ZBTB46: variants seen among roughly 807,000 people sequenced by gnomAD.
ZBTB46 encodes the protein zinc finger and BTB domain containing 46, also known as zinc finger and BTB domain-containing protein 46.
A neutral mutation model predicts 44.1 loss-of-function variants in ZBTB46; 8 were observed. The ratio of observed to expected loss-of-function variants is 0.18; its 90% CI spans 0.11 to 0.33. The LOEUF is 0.33. ZBTB46 is among the 10% of genes least tolerant of loss of function. The pLI, the probability that ZBTB46 is intolerant of heterozygous loss-of-function variation, is 1.00. For synonymous variants in ZBTB46, 409 were observed against 382.3 expected, an observed-to-expected ratio of 1.07 and a Z score of -0.81; for missense variants, 651 against 847.7, an observed-to-expected ratio of 0.77 and a Z score of 2.88.
rs909411672 is a variant in ZBTB46, at chr20:63,746,762, C to T, written c.*168G>A. On this transcript the variant is annotated 3_prime_UTR_variant, in exon 5 of 5. Transcript: ENST00000245663. ...CAGAGCACCCCTCTTGCTGGGGTCGCACCTGCTTAGCCCGCAGGGCTGGTT... is the reference window on the plus strand; with the variant it reads ...CAGAGCACCCCTCTTGCTGGGGTCGTACCTGCTTAGCCCGCAGGGCTGGTT... 2 of 1,128,652 alleles carry T rather than the reference C, an allele frequency of 1.8e-6. No homozygotes were observed. The highest frequency in any genetic ancestry group is 2.4e-6 in the Non-Finnish European group (2 of 839,296). 69.9% of individuals were successfully genotyped at this position (1,128,652 alleles called of 1,614,324 possible).
intron 2 of ZBTB46, among the ~76,000 whole-genome samples, chr20:63,786,142 C>G (rs185389932): frequency 3.8e-4 from 58 of 152,300 alleles, no homozygotes; most frequent in Middle Eastern, 6.8e-3. Context: ...CTGTAAACAT[C>G]AGAATAAACC....
At position 63,767,018 on chromosome 20, in the gene ZBTB46, C is replaced by T. The variant is rs1424440968; in HGVS notation, c.1222+8660G>A. 6.6e-6 allele frequency among the ~76,000 whole-genome samples: 1 copy of T among 152,234 alleles called. No individual in the cohort carries two copies. The highest frequency in any genetic ancestry group is 1.9e-4 in the East Asian group (1 of 5,200). On this transcript the variant is annotated intron_variant, in intron 3 of 4. Coordinates refer to ENST00000245663, the MANE Select transcript of ZBTB46 (RefSeq NM_001369741.1). This position sits in a 1 kb window ranked among gnomAD's most constrained non-coding sequence, Gnocchi z 5.0. Reference sequence around the variant, plus strand: ...TCCCTGGAGCCCACCAAGTCCACAACCACCTGCTCTGAATAGAAAGCTGAC... The same window carrying T: ...TCCCTGGAGCCCACCAAGTCCACAATCACCTGCTCTGAATAGAAAGCTGAC...
chr20:63,790,281 C>G lies in ZBTB46; in HGVS notation c.477G>C (p.Ser159=), dbSNP rs763942434. The change falls in exon 2 of 5, where the codon TCG becomes TCC. Residue 159 remains serine (S), a synonymous_variant. Transcript: ENST00000245663. ...AGATGCTCCTCCCAGCCATCACGGC[C>G]GAGATGAGAGCTTCCGTGCTGCTGC... ...SSSSSTEALI[S]AVMAGRSISP... 2.9e-5 allele frequency: 47 copies of G among 1,612,710 alleles called. No homozygotes were observed. The highest frequency in any genetic ancestry group is 4.0e-5 in the Non-Finnish European group (47 of 1,179,820).
At chr20:63,780,091 T>C (rs1168784233) in intron 2 of ZBTB46, among the ~76,000 whole-genome samples, 1 of 151,556 alleles carries the variant, frequency 6.6e-6, no homozygotes. Flanking sequence ...GCCAGCCCGG[T>C]GAAACCCCGT....
At chr20:63,786,771 A>C (rs2092518877) in intron 2 of ZBTB46, among the ~76,000 whole-genome samples, 1 of 152,084 alleles carries the variant, frequency 6.6e-6, no homozygotes, top group African/African-American at 2.4e-5. Context: ...TGGCCTCCCA[A>C]AGTGCTGGAA....
chr20:63,753,897 C>CCTT (rs1367743238), intron 3 of ZBTB46, among the ~76,000 whole-genome samples: 2 of 152,226 alleles, frequency 1.3e-5, no homozygotes, highest in Non-Finnish European at 2.9e-5. Flanking sequence ...TCTGCCACCT[C>CCTT]CTGAAGATAA....
At chr20:63,776,491 T>C (rs1601443441) in intron 2 of ZBTB46, among the ~76,000 whole-genome samples, 1 of 152,198 alleles carries the variant, frequency 6.6e-6, no homozygotes, top group Non-Finnish European at 1.5e-5. Flanking sequence ...ATTAAATGTC[T>C]GTGCTTCAAA....
rs576959146 is a variant in ZBTB46, at chr20:63,753,332, A to G, written c.1223-471T>C. 3.3e-5 allele frequency among the ~76,000 whole-genome samples: 5 copies of G among 152,316 alleles called. No individual in the cohort carries two copies. In the East Asian group the frequency reaches 7.7e-4, roughly 24 times the overall value. On this transcript the variant is annotated intron_variant, in intron 3 of 4. Coordinates refer to ENST00000245663, the MANE Select transcript of ZBTB46 (RefSeq NM_001369741.1). Reference sequence around the variant, plus strand: ...TACGGACCCAAAAGTGTGCAGGCGAAATGGGAGATGTGGGTGCAACTCAAA... The same window carrying G: ...TACGGACCCAAAAGTGTGCAGGCGAGATGGGAGATGTGGGTGCAACTCAAA...
At chr20:63,799,821 T>C (rs933950406) in intron 1 of ZBTB46, among the ~76,000 whole-genome samples, 2 of 152,124 alleles carry the variant, frequency 1.3e-5, no homozygotes, top group Non-Finnish European at 2.9e-5. Flanking sequence ...CCACACCATG[T>C]GTCCTCGAGG....
At chr20:63,830,786 G>A (rs1323891583) in intron 1 of ZBTB46, among the ~76,000 whole-genome samples, 2 of 144,712 alleles carry the variant, frequency 1.4e-5, no homozygotes, top group Admixed American at 1.4e-4. Flanking sequence ...GGGCAGCCCA[G>A]CCGCCTCCGC....
rs1168147880 is a variant in ZBTB46 at position 63,744,198 on chromosome 20, A to C, written c.*2732T>G. 6.6e-6 allele frequency: 1 copy of C among 152,196 alleles called. No individual in the cohort carries two copies. Among genetic ancestry groups the C allele is most frequent in the Non-Finnish European group, 1.5e-5 (1 of 68,040 alleles). 9.4% of individuals were successfully genotyped at this position (152,196 alleles called of 1,614,324 possible). ...GCTAAAATAAGATTACTTCTTTTATAATATTGCAAAAAGTTCCAGTTTTTG... is the reference window on the plus strand; with the variant it reads ...GCTAAAATAAGATTACTTCTTTTATCATATTGCAAAAAGTTCCAGTTTTTG... On this transcript the variant is annotated 3_prime_UTR_variant, in exon 5 of 5. Coordinates refer to ENST00000245663, the MANE Select transcript of ZBTB46 (RefSeq NM_001369741.1).
At chr20:63,747,580 G>A (rs1487962034) in intron 4 of ZBTB46, among the ~76,000 whole-genome samples, 2 of 143,706 alleles carry the variant, frequency 1.4e-5, no homozygotes, top group Non-Finnish European at 3.0e-5. Context: ...GGGTTGGGGG[G>A]GCACAGCCTC....
intron 2 of ZBTB46, among the ~76,000 whole-genome samples, chr20:63,776,993 CCACACAATACGGTTCCAG>C (rs2092430764): frequency 1.3e-5 from 2 of 151,666 alleles, no homozygotes; most frequent in Non-Finnish European, 2.9e-5. Flanking sequence ...CACGATTCCA[CCACACAATACGGTTCCAG>C]CACACGCCAC....
intron 1 of ZBTB46, among the ~76,000 whole-genome samples, chr20:63,805,593 G>C (rs551704683): frequency 6.6e-6 from 1 of 152,322 alleles, no homozygotes; most frequent in Admixed American, 6.5e-5. Flanking sequence ...GAAGGACCCT[G>C]CCTGGAGTCT....
chr20:63,813,956 C>T (rs1011012833), intron 1 of ZBTB46, among the ~76,000 whole-genome samples: 2 of 152,096 alleles, frequency 1.3e-5, no homozygotes, highest in Admixed American at 6.6e-5. Context: ...TGGGAAGGGC[C>T]GGGCGCGGTG....
chr20:63,756,618 C>T (rs931455531), intron 3 of ZBTB46, among the ~76,000 whole-genome samples: 2 of 152,216 alleles, frequency 1.3e-5, no homozygotes, highest in Non-Finnish European at 2.9e-5. Flanking sequence ...GCTCAATGAA[C>T]TTTATCTACA....
At chr20:63,761,627 C>T (rs774573269) in intron 3 of ZBTB46, among the ~76,000 whole-genome samples, 4 of 151,854 alleles carry the variant, frequency 2.6e-5, no homozygotes, top group Non-Finnish European at 5.9e-5. Context: ...ACTAAAAATA[C>T]AAAAATTATC....
At chr20:63,829,965 T>C (rs2092839272) in intron 1 of ZBTB46, among the ~76,000 whole-genome samples, 1 of 152,208 alleles carries the variant, frequency 6.6e-6, no homozygotes, top group Non-Finnish European at 1.5e-5. Context: ...GCTAAACACG[T>C]TTCTAATTAG....
upstream of ZBTB46, among the ~76,000 whole-genome samples, chr20:63,832,355 G>C (rs985620473): frequency 1.3e-5 from 2 of 152,090 alleles, no homozygotes; most frequent in African/African-American, 2.4e-5. This position sits in a 1 kb window ranked among gnomAD's most constrained non-coding sequence, Gnocchi z 5.0. Context: ...GCCTGTGGCC[G>C]GCAGCCGCGC....
Sources: allele counts gnomAD v4.1 joint callset (sites outside exome capture counted in the v4.1 genomes callset), GRCh38; gene constraint gnomAD v4.1.1; non-coding constraint Gnocchi (gnomAD v3.1); transcripts MANE v1.5; gene names NCBI Gene and HGNC (gene_info 2026-07-23, HGNC 2026-07-21).